Variants in FURIN observed in about 807,000 individuals in gnomAD.
The protein encoded by FURIN is FES upstream region.
In FURIN, 18 loss-of-function variants were observed where a neutral mutation model predicts 89.2. That is an observed-to-expected ratio of 0.20 (90% CI 0.14 to 0.30). The LOEUF is 0.30. Among genes scored for constraint, FURIN ranks in the 10% least tolerant of loss-of-function variants. FURIN has a pLI of 1.00. For synonymous variants in FURIN, 508 were observed against 466.4 expected (o/e 1.09, Z -1.15); for missense variants, 879 against 1,100.5 (o/e 0.80, Z 2.85).
At position 90,882,208 on chromosome 15, in the gene FURIN, C is replaced by T; in HGVS notation, c.*330C>T. On this transcript the variant is annotated 3_prime_UTR_variant, in exon 16 of 16. Transcript: ENST00000268171. ...GCCCTTGCTTGTTGGGATTCCTGAC[C>T]CAGGCCGCAGCTCTTGCCCTTCCCT... 1 of 330,838 alleles carries T rather than the reference C, an allele frequency of 3.0e-6. No individual in the cohort carries two copies. Among genetic ancestry groups the T allele is most frequent in the Non-Finnish European group, 5.6e-6 (1 of 177,750 alleles). The allele number at this position is 330,838 out of a possible 1,614,324, so 20.5% of individuals were successfully genotyped here. A position where few individuals can be genotyped will look rare whatever the true frequency, so the allele number is the denominator to read the frequency against.
At position 90,878,118 on chromosome 15, in the gene FURIN, C is replaced by T. The variant is rs201214614; in HGVS notation, c.668-14C>T. 2.8e-5 allele frequency: 45 copies of T among 1,613,460 alleles called. No homozygotes were observed. The East Asian group carries it at 5.3e-4, about 19-fold the overall frequency. ...CATGCAGCATCCCTCTTCGTGCCCC[C>T]CCTTCACGGCCAGGGGTGCGCATGC... On this transcript the variant is annotated splice_polypyrimidine_tract_variant and intron_variant, in intron 7 of 15. Coordinates refer to ENST00000268171, the MANE Select transcript of FURIN (RefSeq NM_002569.4).
At position 90,877,188 on chromosome 15, in the gene FURIN, G is replaced by A. The variant is rs764283375; in HGVS notation, c.555G>A (p.Arg185=). 36 of 1,610,642 alleles carry A rather than the reference G, an allele frequency of 2.2e-5. No homozygotes were observed. The Admixed American group carries it at 5.9e-4, about 26-fold the overall frequency. The change falls in exon 6 of 16, where the codon CGG becomes CGA. Residue 185 remains arginine (R), a synonymous_variant. Transcript: ENST00000268171. The part of the protein sequence containing the change: ...VNDQDPDPQP[R]YTQMNDNRHG... ...ACCAGGACCCTGACCCCCAGCCTCG[G>A]TACACACAGATGAATGACAACAGGT...
Position 90,876,155 on chromosome 15 carries a change from C to A in FURIN, c.178-100C>A, listed in dbSNP as rs1383900520. 1.5e-5 allele frequency: 13 copies of A among 882,314 alleles called. No homozygotes were observed. The highest frequency in any genetic ancestry group is 2.2e-5 in the Non-Finnish European group (12 of 533,984). 54.7% of individuals were successfully genotyped at this position (882,314 alleles called of 1,614,324 possible). On this transcript the variant is annotated intron_variant, in intron 2 of 15. Transcript: ENST00000268171. The surrounding 1 kb of genome is among the most constrained non-coding windows in gnomAD (Gnocchi z 5.0). ...GGGAGCAGATGCCCCGCACCCCCGA[C>A]CGTGGCGAGCCTCCCATGAAGCCGT... is the stretch of plus-strand genomic sequence containing the variant.
chr15:90,881,762 A>T lies in FURIN; in HGVS notation c.2269A>T (p.Ile757Phe). Residue 757 changes from isoleucine to phenylalanine, a missense_variant, in exon 16 of 16, where the codon ATC becomes TTC. Ile to Phe is a conservative substitution (Grantham distance 21, BLOSUM62 0). Transcript: ENST00000268171. The surrounding 1 kb of genome is among the most constrained non-coding windows in gnomAD (Gnocchi z 4.3). ...GGTGTACACCATGGACCGTGGCCTC[A>T]TCTCCTACAAGGGGCTGCCCCCTGA... ...VKVYTMDRGLISYKGLPPEAW... is the reference protein window; with the variant it reads ...VKVYTMDRGLFSYKGLPPEAW... 1 of 1,612,142 alleles carries T rather than the reference A, an allele frequency of 6.2e-7. No individual in the cohort carries two copies. The highest frequency in any genetic ancestry group is 8.5e-7 in the Non-Finnish European group (1 of 1,179,168).
rs780164892 is a variant in FURIN at position 90,879,933 on chromosome 15, C to T, written c.1325C>T (p.Thr442Ile). The T allele has an allele frequency of 2.5e-6, 4 of 1,613,316 alleles. No homozygotes were observed. The highest frequency in any genetic ancestry group is 2.2e-5 in the East Asian group (1 of 44,876). The change falls in exon 12 of 16, where the codon ACC becomes ATC. Residue 442 changes from threonine to isoleucine, a missense_variant. Thr to Ile is a moderately conservative substitution (Grantham distance 89). Around this residue, in one of 5 missense-constraint regions of FURIN, gnomAD observed 457 missense variants for 490.7 expected, o/e 0.93. Coordinates refer to ENST00000268171, the MANE Select transcript of FURIN (RefSeq NM_002569.4). ...ATGGTGGCCCTGGCCCAGAATTGGA[C>T]CACAGTGGCCCCCCAGCGGAAGTGC... ...GAMVALAQNW[T>I]TVAPQRKCII...
chr15:90,872,026 G>C (rs2031337208), intron 1 of FURIN, among the ~76,000 whole-genome samples: 2 of 151,398 alleles, frequency 1.3e-5, no homozygotes, highest in African/African-American at 2.4e-5. Context: ...CAGGCGCCGG[G>C]TGCTCCAGCC....
chr15:90,876,427 TCCAC>T lies in FURIN; in HGVS notation c.277-30_277-27del. On this transcript the variant is annotated intron_variant, in intron 3 of 15. Coordinates refer to ENST00000268171, the MANE Select transcript of FURIN (RefSeq NM_002569.4). The surrounding 1 kb of genome is among the most constrained non-coding windows in gnomAD (Gnocchi z 5.0). ...CTCAGGAGCCCCTCTCGCCTCCTGCTCCACCCACACCATCTCTCCCTCACTCCCC... is the reference window on the plus strand; with the variant it reads ...CTCAGGAGCCCCTCTCGCCTCCTGCTCCACACCATCTCTCCCTCACTCCCC... 6.4e-7 allele frequency: 1 copy of T among 1,561,210 alleles called. No homozygotes were observed. Among genetic ancestry groups the T allele is most frequent in the East Asian group, 2.2e-5 (1 of 44,534 alleles).
At chr15:90,877,650 G>T in intron 7 of FURIN, 35 bp downstream of exon 7, 4 of 1,414,990 alleles carry the variant, frequency 2.8e-6, no homozygotes, top group Non-Finnish European at 3.9e-6. Flanking sequence ...GTCTTCAGGA[G>T]GGCCCTTCAG....
rs568534363 is a variant in FURIN at position 90,868,942 on chromosome 15, G to A, written c.-160+231G>A. Among the ~76,000 whole-genome samples the A allele has an allele frequency of 5.2e-4, 79 of 152,270 alleles. 1 individual carries two copies. In the Middle Eastern group the frequency reaches 0.02, roughly 39 times the overall value. On this transcript the variant is annotated intron_variant, in intron 1 of 15. Coordinates refer to ENST00000268171, the MANE Select transcript of FURIN (RefSeq NM_002569.4). The stretch of plus-strand genomic sequence containing the variant: ...ACAACTAGGTGTGGGTGCTGCTGCC[G>A]AAGGCTTTATTTGCTGTGCCTGAGG...
At chr15:90,879,147 C>G (rs1447353225) in intron 9 of FURIN, among the ~76,000 whole-genome samples, 171 bp downstream of exon 9, 1 of 152,154 alleles carries the variant, frequency 6.6e-6, no homozygotes, top group Non-Finnish European at 1.5e-5. Flanking sequence ...GGCCATGGAG[C>G]CATCTCTGAA....
Position 90,881,888 on chromosome 15 carries a change from T to C in FURIN, c.*10T>C, listed in dbSNP as rs753608057. The C allele has an allele frequency of 6.4e-7, 1 of 1,568,228 alleles. No homozygotes were observed. The highest frequency in any genetic ancestry group is 2.3e-5 in the East Asian group (1 of 44,440). On this transcript the variant is annotated 3_prime_UTR_variant, in exon 16 of 16. Coordinates refer to ENST00000268171, the MANE Select transcript of FURIN (RefSeq NM_002569.4). The surrounding 1 kb of genome is among the most constrained non-coding windows in gnomAD (Gnocchi z 4.3). ...CCAGAGCGCCCTCTGATGAGCCCAC[T>C]GCCCACCCCCTCAAGCCAATCCCCT...
rs1021006825 is a variant in FURIN, at chr15:90,882,369, G to A, written c.*491G>A. The A allele has an allele frequency of 1.2e-5, 2 of 165,150 alleles. No individual in the cohort carries two copies. Among genetic ancestry groups the A allele is most frequent in the Admixed American group, 5.6e-5 (1 of 17,714 alleles). 10.2% of individuals were successfully genotyped at this position (165,150 alleles called of 1,614,324 possible). The stretch of plus-strand genomic sequence containing the variant: ...CCAGCTCTGGTGAGTCTTGGCGGCA[G>A]CAGCCATCATAGGAAGGGACCAAGG... On this transcript the variant is annotated 3_prime_UTR_variant, in exon 16 of 16. Coordinates refer to ENST00000268171, the MANE Select transcript of FURIN (RefSeq NM_002569.4).
chr15:90,877,005 C>A lies in FURIN; in HGVS notation c.482C>A (p.Pro161Gln), dbSNP rs1206162946. Residue 161 changes from proline (P) to glutamine (Q), a missense_variant, in exon 5 of 16, where the codon CCG (proline) becomes CAG (glutamine). Around this residue, in one of 5 missense-constraint regions of FURIN, gnomAD observed 139 missense variants for 215.0 expected, o/e 0.65. Coordinates refer to ENST00000268171, the MANE Select transcript of FURIN (RefSeq NM_002569.4). ...ILDDGIEKNH[P>Q]DLAGNYDPGA... ...GACGATGGCATCGAGAAGAACCACC[C>A]GGACTTGGCAGGCAATTATGTGAGG... 8 of 1,614,134 alleles carry A rather than the reference C, an allele frequency of 5.0e-6. No individual in the cohort carries two copies. The highest frequency in any genetic ancestry group is 6.8e-6 in the Non-Finnish European group (8 of 1,180,024).
intron 1 of FURIN, among the ~76,000 whole-genome samples, chr15:90,871,019 CTA>C (rs2031258374): frequency 6.6e-6 from 1 of 152,226 alleles, no homozygotes; most frequent in South Asian, 2.1e-4. Flanking sequence ...ATCCACCTGT[CTA>C]TACAAATGCA....
chr15:90,876,198 C>A lies in FURIN; in HGVS notation c.178-57C>A. The stretch of plus-strand genomic sequence containing the variant: ...GAAGCCGTTGTCCACCCCCGTCCCC[C>A]GCCTCCCGGGGACTGACAGATGGAA... On this transcript the variant is annotated intron_variant, in intron 2 of 15. Transcript: ENST00000268171. This position sits in a 1 kb window ranked among gnomAD's most constrained non-coding sequence, Gnocchi z 5.0. The A allele has an allele frequency of 1.7e-6, 2 of 1,162,492 alleles. No homozygotes were observed. Among genetic ancestry groups the A allele is most frequent in the Admixed American group, 1.8e-5 (1 of 57,038 alleles). The allele number at this position is 1,162,492 out of a possible 1,614,324, so 72.0% of individuals were successfully genotyped here.
At position 90,878,940 on chromosome 15, in the gene FURIN, G is replaced by A. The variant is rs370736628; in HGVS notation, c.1017G>A (p.Thr339=). 24 of 1,610,192 alleles carry A rather than the reference G, an allele frequency of 1.5e-5. No homozygotes were observed. Among genetic ancestry groups the A allele is most frequent in the African/African-American group, 8.0e-5 (6 of 74,846 alleles). The stretch of plus-strand genomic sequence containing the variant: ...AGGCCTGCTCGTCCACACTGGCCAC[G>A]ACCTACAGCAGTGGCAACCAGAATG... ...YSEACSSTLA[T]TYSSGNQNEK... The change falls in exon 9 of 16, where the codon ACG becomes ACA. Residue 339 remains threonine, a synonymous_variant. Transcript: ENST00000268171.
chr15:90,879,375 G>A (rs1013264337), intron 9 of FURIN, 69 bp from the exon 10 acceptor site: 52 of 1,126,170 alleles, frequency 4.6e-5, no homozygotes, highest in Non-Finnish European at 6.5e-5. Flanking sequence ...TGCAGAGGGA[G>A]GGTAGGCAGG....
Position 90,876,392 on chromosome 15 carries a change from C to G in FURIN, c.276+39C>G, listed in dbSNP as rs1333338070. 2 of 1,517,142 alleles carry G rather than the reference C, an allele frequency of 1.3e-6. No homozygotes were observed. Among genetic ancestry groups the G allele is most frequent in the African/African-American group, 2.7e-5 (2 of 72,980 alleles). 94.0% of individuals were successfully genotyped at this position (1,517,142 alleles called of 1,614,324 possible). On this transcript the variant is annotated intron_variant, in intron 3 of 15. Transcript: ENST00000268171. The surrounding 1 kb of genome is among the most constrained non-coding windows in gnomAD (Gnocchi z 5.0). ...CAGCCCCCTCCTGCTGCCACCCTCC[C>G]CCTCCTGCTCTCAGGAGCCCCTCTC...
Position 90,881,728 on chromosome 15 carries a change from G to A in FURIN, c.2235G>A (p.Arg745=), listed in dbSNP as rs200741648. Residue 745 remains arginine (R), a synonymous_variant, in exon 16 of 16, where the codon CGG becomes CGA. Coordinates refer to ENST00000268171, the MANE Select transcript of FURIN (RefSeq NM_002569.4). This position sits in a 1 kb window ranked among gnomAD's most constrained non-coding sequence, Gnocchi z 4.3. The part of the protein sequence containing the change: ...VLQLRSGFSF[R]GVKVYTMDRG... ...AGCTGCGCTCTGGCTTTAGTTTTCGGGGGGTGAAGGTGTACACCATGGACC... is the reference window on the plus strand; with the variant it reads ...AGCTGCGCTCTGGCTTTAGTTTTCGAGGGGTGAAGGTGTACACCATGGACC... The A allele has an allele frequency of 5.0e-6, 8 of 1,599,276 alleles. No individual in the cohort carries two copies. The highest frequency in any genetic ancestry group is 6.0e-6 in the Non-Finnish European group (7 of 1,171,672).
Sources: allele counts gnomAD v4.1 joint callset (sites outside exome capture counted in the v4.1 genomes callset), GRCh38; gene constraint gnomAD v4.1.1; regional missense constraint gnomAD v4.1.1; non-coding constraint Gnocchi (gnomAD v3.1); transcripts MANE v1.5; gene names NCBI Gene and HGNC (gene_info 2026-07-23, HGNC 2026-07-21).